ROCK2: variants seen among roughly 807,000 people sequenced by gnomAD.
The protein encoded by ROCK2 is Rho associated coiled-coil containing protein kinase 2, also known as rho-associated protein kinase 2.
ROCK2 carries 61 observed loss-of-function variants against 195.1 expected under a neutral mutation model. The ratio of observed to expected loss-of-function variants is 0.31; its 90% CI spans 0.25 to 0.39. The LOEUF (loss-of-function observed/expected upper bound fraction) is 0.39, where lower values mean the gene tolerates loss of function less well. Ranked by LOEUF, ROCK2 falls within the 10% of genes least tolerant of loss-of-function variation. The pLI, the probability that ROCK2 is intolerant of heterozygous loss-of-function variation, is 1.00. For synonymous variants in ROCK2, 504 were observed against 545.5 expected, an observed-to-expected ratio of 0.92 and a Z score of 1.06; for missense variants, 1,109 against 1,637.4, an observed-to-expected ratio of 0.68 and a Z score of 5.57.
intron 4 of ROCK2, among the ~76,000 whole-genome samples, chr2:11,238,245 T>TGTGTGTGTGTGTGTGTGTGTGTGTGTG (rs11377542): frequency 1.6e-4 from 6 of 38,428 alleles, no homozygotes; most frequent in African/African-American, 4.3e-4. Flanking sequence ...TGTGTGTCTG[T>TGTGTGTGTGTGTGTGTGTGTGTGTGTG]TGTGTGTGTC....
chr2:11,330,690 AAGG>A (rs1304491985), intron 1 of ROCK2, among the ~76,000 whole-genome samples: 3 of 138,834 alleles, frequency 2.2e-5, no homozygotes, highest in African/African-American at 7.8e-5. Context: ...GTCTCAAAAA[AAGG>A]AGAAGGGGGA....
intron 4 of ROCK2, among the ~76,000 whole-genome samples, chr2:11,239,858 G>A (rs959477933): frequency 2.6e-5 from 4 of 152,090 alleles, no homozygotes; most frequent in Admixed American, 1.3e-4. Flanking sequence ...ACAAATTCAG[G>A]GGTTCCCACA....
intron 3 of ROCK2, among the ~76,000 whole-genome samples, chr2:11,278,192 A>T (rs2148179159): frequency 6.6e-6 from 1 of 152,296 alleles, no homozygotes; most frequent in Non-Finnish European, 1.5e-5. Flanking sequence ...TATTCCTCCC[A>T]TCTAACTGAA....
At chr2:11,267,698 C>T (rs890615926) in intron 3 of ROCK2, among the ~76,000 whole-genome samples, 6 of 137,178 alleles carry the variant, frequency 4.4e-5, no homozygotes, top group East Asian at 2.1e-4. Context: ...CCTATCAATA[C>T]GCCTTTTTTT....
intron 1 of ROCK2, among the ~76,000 whole-genome samples, chr2:11,309,975 C>CA (rs540350807): frequency 2.7e-4 from 40 of 147,750 alleles, no homozygotes; most frequent in East Asian, 7.9e-4. Flanking sequence ...CCAAAAAAAA[C>CA]AAAAAAAAGA....
intron 1 of ROCK2, among the ~76,000 whole-genome samples, chr2:11,337,999 A>G (rs984980072): frequency 6.6e-6 from 1 of 152,054 alleles, no homozygotes; most frequent in Non-Finnish European, 1.5e-5. Flanking sequence ...ATTCCACTAC[A>G]AGGTATTTAA....
chr2:11,209,470 T>TA (rs1372649913), intron 18 of ROCK2, among the ~76,000 whole-genome samples: 2 of 152,216 alleles, frequency 1.3e-5, no homozygotes, highest in African/African-American at 4.8e-5. Context: ...TCTTGTTTTT[T>TA]AAAAAGCAAA....
chr2:11,216,688 C>T (rs1295301286), intron 12 of ROCK2, among the ~76,000 whole-genome samples: 4 of 151,648 alleles, frequency 2.6e-5, no homozygotes, highest in Non-Finnish European at 4.4e-5. Context: ...TGAGCCACTG[C>T]ACCAGGCCAT....
At chr2:11,339,466 C>A (rs575497818) in intron 1 of ROCK2, among the ~76,000 whole-genome samples, 3 of 151,302 alleles carry the variant, frequency 2.0e-5, no homozygotes, top group Non-Finnish European at 2.9e-5. Flanking sequence ...CAGATATATA[C>A]CCTAATCTAC....
At chr2:11,321,994 T>C (rs1668414226) in intron 1 of ROCK2, among the ~76,000 whole-genome samples, 1 of 152,120 alleles carries the variant, frequency 6.6e-6, no homozygotes, top group South Asian at 2.1e-4. Flanking sequence ...CCAGTCTGAC[T>C]GGTGTCCTTC....
intron 3 of ROCK2, among the ~76,000 whole-genome samples, chr2:11,283,852 G>GT (rs1393734809): frequency 6.6e-6 from 1 of 152,150 alleles, no homozygotes; most frequent in Non-Finnish European, 1.5e-5. Context: ...CAGTTTGGCA[G>GT]TTTTTTAGAA....
intron 1 of ROCK2, among the ~76,000 whole-genome samples, chr2:11,296,594 A>G (rs1311588476): frequency 6.6e-6 from 1 of 152,188 alleles, no homozygotes; most frequent in Admixed American, 6.5e-5. Context: ...AATATCACCT[A>G]AATACACACT....
At chr2:11,333,722 A>G (rs1244032730) in intron 1 of ROCK2, among the ~76,000 whole-genome samples, 4 of 152,318 alleles carry the variant, frequency 2.6e-5, no homozygotes, top group South Asian at 4.1e-4. Flanking sequence ...ACTATTAATA[A>G]CAGCCAATAC....
chr2:11,208,027 T>C, intron 19 of ROCK2, 117 bp from the exon 20 acceptor site: 1 of 617,798 alleles, frequency 1.6e-6, no homozygotes, highest in Non-Finnish European at 2.4e-6. Context: ...AGGTAGCTAA[T>C]TCATTTCATA....
chr2:11,215,980 A>G (rs1049227027), intron 13 of ROCK2, among the ~76,000 whole-genome samples, 178 bp downstream of exon 13: 4 of 152,202 alleles, frequency 2.6e-5, no homozygotes, highest in Non-Finnish European at 5.9e-5. Flanking sequence ...TTGCAAAAAC[A>G]TAACAGAATG....
intron 1 of ROCK2, among the ~76,000 whole-genome samples, chr2:11,295,676 G>T (rs1667488621): frequency 1.3e-5 from 2 of 152,096 alleles, no homozygotes; most frequent in Admixed American, 1.3e-4. Context: ...TTAAGAGAAG[G>T]CCTGGCATGA....
Position 11,317,576 on chromosome 2 carries a change from T to TTATATATA in ROCK2, c.141+26412_141+26419dup, listed in dbSNP as rs1156983946. On this transcript the variant is annotated intron_variant, in intron 1 of 32. Transcript: ENST00000315872. ...TTTAAAGCCGCCCTGATCTACACAT[T>TTATATATA]TATATATATATATATATATATATAT... Among the ~76,000 whole-genome samples, 40 of 29,572 alleles carry TTATATATA rather than the reference T, an allele frequency of 1.4e-3. 2 individuals are homozygous for TTATATATA. Among genetic ancestry groups the TTATATATA allele is most frequent in the South Asian group, 1.9e-3 (1 of 536 alleles). 19.4% of individuals were successfully genotyped at this position (29,572 alleles called of 152,430 possible). A position where few individuals can be genotyped will look rare whatever the true frequency, so the allele number is the denominator to read the frequency against.
At chr2:11,333,912 A>G (rs1558402907) in intron 1 of ROCK2, among the ~76,000 whole-genome samples, 2 of 152,204 alleles carry the variant, frequency 1.3e-5, no homozygotes, top group Non-Finnish European at 2.9e-5. Context: ...AAAGCTGTTC[A>G]GCCCCCATGA....
intron 32 of ROCK2, among the ~76,000 whole-genome samples, chr2:11,183,890 G>C (rs1438144243): frequency 6.6e-6 from 1 of 152,136 alleles, no homozygotes; most frequent in African/African-American, 2.4e-5. Flanking sequence ...CATTGTTGTA[G>C]TAAATATATA....
Sources: gnomAD v4.1 joint callset for allele counts (sites outside exome capture counted in the v4.1 genomes callset) on GRCh38, gnomAD v4.1.1 for gene constraint, MANE v1.5 for transcripts, NCBI Gene and HGNC (gene_info 2026-07-23, HGNC 2026-07-21) for gene names.